FBXW12: variants seen among roughly 807,000 people sequenced by gnomAD.
FBXW12 encodes the protein F-box and WD repeat domain containing 12.
Under a neutral mutation model 55.3 loss-of-function variants are expected in FBXW12, and 43 were observed. That is an observed-to-expected ratio of 0.78 (90% CI 0.61 to 1.00). The LOEUF is 1.00. Ranked by LOEUF, FBXW12 falls within the 50% of genes least tolerant of loss-of-function variation. The pLI is 0.00. For synonymous variants in FBXW12, 184 were observed against 203.8 expected (o/e 0.90, Z 0.83); for missense variants, 524 against 560.5 (o/e 0.93, Z 0.66).
rs752226781 is a variant in FBXW12, at chr3:48,373,316, T to G, written c.99T>G (p.Asn33Lys). 1.4e-5 allele frequency: 23 copies of G among 1,614,066 alleles called. No individual in the cohort carries two copies. Among genetic ancestry groups the G allele is most frequent in the Non-Finnish European group, 1.9e-5 (23 of 1,180,010 alleles). The change falls in exon 3 of 11, where the codon AAT becomes AAG. Residue 33 changes from asparagine to lysine, a missense_variant. By Grantham distance (94) the Asn-to-Lys change is moderately conservative. Coordinates refer to ENST00000296438, the MANE Select transcript of FBXW12 (RefSeq NM_207102.2). ...TCCTTTCTCTCCCATAGCATTGGAATAGGATTGCAGACAGTGATTACCTGT... is the reference window on the plus strand; with the variant it reads ...TCCTTTCTCTCCCATAGCATTGGAAGAGGATTGCAGACAGTGATTACCTGT... ...LQVSQVNKHW[N>K]RIADSDYLWR...
chr3:48,375,427 T>C lies in FBXW12; in HGVS notation c.360T>C (p.Cys120=). ...ATGAACAGGAGAAATCAATCATTTGTAGTGTATCTCCAAAGCAAGAGCTTT... is the reference window on the plus strand; with the variant it reads ...ATGAACAGGAGAAATCAATCATTTGCAGTGTATCTCCAAAGCAAGAGCTTT... The part of the protein sequence containing the change: ...TVDEQEKSII[C]SVSPKQELCA... The change falls in exon 5 of 11, where the codon TGT becomes TGC. Residue 120 remains cysteine (C), a synonymous_variant. Transcript: ENST00000296438. 2 of 1,612,552 alleles carry C rather than the reference T, an allele frequency of 1.2e-6. No homozygotes were observed. The highest frequency in any genetic ancestry group is 1.7e-6 in the Non-Finnish European group (2 of 1,179,518).
chr3:48,390,378 TG>T (rs1308104137), intron 10 of FBXW12, among the ~76,000 whole-genome samples: 1 of 151,856 alleles, frequency 6.6e-6, no homozygotes, highest in Non-Finnish European at 1.5e-5. Flanking sequence ...TTTTTGCATT[TG>T]TTTTTTAATG....
At chr3:48,374,636 T>A (rs1015545936) in intron 4 of FBXW12, among the ~76,000 whole-genome samples, 17 of 152,138 alleles carry the variant, frequency 1.1e-4, no homozygotes, top group South Asian at 8.3e-4. Context: ...CCATATTTTT[T>A]AAATTTTTTT....
intron 5 of FBXW12, among the ~76,000 whole-genome samples, chr3:48,375,705 C>CA (rs1247204748): frequency 6.6e-6 from 1 of 152,178 alleles, no homozygotes; most frequent in Non-Finnish European, 1.5e-5. Context: ...GACTGAGTCT[C>CA]GCTCTGTTCC....
intron 10 of FBXW12, among the ~76,000 whole-genome samples, chr3:48,388,749 G>T (rs6793732): frequency 0.02 from 3,033 of 152,242 alleles, 119 homozygotes; most frequent in African/African-American, 0.07. Flanking sequence ...AATGGACAAA[G>T]AATATTTGTA....
intron 2 of FBXW12, 123 bp from the exon 3 acceptor site, chr3:48,373,185 G>A (rs1437812416): frequency 6.9e-7 from 1 of 1,441,648 alleles, no homozygotes; most frequent in Admixed American, 1.7e-5. Flanking sequence ...AGTGCTTTGA[G>A]AGCTGGAATC....
In FBXW12 at chr3:48,375,349, T is replaced by G. The variant is rs772896822; in HGVS notation, c.287-5T>G. On this transcript the variant is annotated splice_region_variant and splice_polypyrimidine_tract_variant and intron_variant, in intron 4 of 10. Coordinates refer to ENST00000296438, the MANE Select transcript of FBXW12 (RefSeq NM_207102.2). ...GGTGGCCAAGTCTTCTATGTTTCCTTCTAGCATTTGAGACGGAGTTGGCTT... is the reference window on the plus strand; with the variant it reads ...GGTGGCCAAGTCTTCTATGTTTCCTGCTAGCATTTGAGACGGAGTTGGCTT... 6.4e-7 allele frequency: 1 copy of G among 1,558,874 alleles called. No homozygotes were observed. Among genetic ancestry groups the G allele is most frequent in the Non-Finnish European group, 8.8e-7 (1 of 1,131,296 alleles).
In FBXW12 at chr3:48,373,580, A is replaced by G. The variant is rs1282329084; in HGVS notation, c.161A>G (p.Asn54Ser). 1 of 1,614,148 alleles carries G rather than the reference A, an allele frequency of 6.2e-7. No homozygotes were observed. Residue 54 changes from asparagine to serine, a missense_variant, in exon 4 of 11, where the codon AAC becomes AGC. Physicochemically the swap from Asn to Ser is conservative, Grantham distance 46. Transcript: ENST00000296438. ...SLSLQRWDCS[N>S]FTNQHLGTHT... The stretch of plus-strand genomic sequence containing the variant: ...TCTCTGCAGAGATGGGACTGCAGCA[A>G]CTTCACCAATCAACACCTGGGCACA...
Position 48,393,328 on chromosome 3 carries a change from G to A in FBXW12, c.1296-1232G>A, listed in dbSNP as rs545212269. Among the ~76,000 whole-genome samples the A allele has an allele frequency of 1.1e-4, 17 of 152,200 alleles. No homozygotes were observed. The South Asian group carries it at 3.1e-3, about 28-fold the overall frequency. ...CCATTTCTACTCACGTCAGTGCACCGGGGGAGATAGTCGACAGGACTCCAT... is the reference window on the plus strand; with the variant it reads ...CCATTTCTACTCACGTCAGTGCACCAGGGGAGATAGTCGACAGGACTCCAT... On this transcript the variant is annotated intron_variant, in intron 10 of 10. Transcript: ENST00000296438.
chr3:48,381,023 T>A (rs1363268344), intron 8 of FBXW12, 111 bp downstream of exon 8: 7 of 95,180 alleles, frequency 7.4e-5, no homozygotes, highest in Non-Finnish European at 1.2e-4. Context: ...GGATTTCTAG[T>A]TTTTTTTTTT....
intron 10 of FBXW12, among the ~76,000 whole-genome samples, chr3:48,384,915 T>C (rs1283053268): frequency 1.3e-5 from 2 of 152,228 alleles, no homozygotes; most frequent in Non-Finnish European, 2.9e-5. Flanking sequence ...GATGTATATA[T>C]TGTAGAATGA....
chr3:48,381,844 A>T lies in FBXW12; in HGVS notation c.1130A>T (p.Glu377Val). 1.9e-6 allele frequency: 3 copies of T among 1,608,110 alleles called. No individual in the cohort carries two copies. The highest frequency in any genetic ancestry group is 2.6e-6 in the Non-Finnish European group (3 of 1,175,880). Residue 377 changes from glutamate (E) to valine (V), a missense_variant, in exon 9 of 11, where the codon GAG becomes GTG. Glu to Val is a moderately radical substitution (Grantham distance 121). Transcript: ENST00000296438. ...ACTGGCTTCCTGCTGCAACGATTTG[A>T]GGACCATCAGGCAGCCATCAACAAC... is the stretch of plus-strand genomic sequence containing the variant. Reference protein sequence around the residue: ...SITGFLLQRFEDHQAAINNFW... With the variant: ...SITGFLLQRFVDHQAAINNFW...
At chr3:48,378,293 G>T in intron 5 of FBXW12, 24 bp from the exon 6 acceptor site, 1 of 1,581,590 alleles carries the variant, frequency 6.3e-7, no homozygotes, top group South Asian at 1.1e-5. Context: ...CTTGAACACA[G>T]GTCGTGTTAC....
chr3:48,372,268 G>A lies in FBXW12; in HGVS notation c.-137G>A, dbSNP rs1347059210. On this transcript the variant is annotated 5_prime_UTR_variant, in exon 1 of 11. Transcript: ENST00000296438. ...AAATGCGAGAAGGTAGAAACCCAGAGGCCATGCTGGCGCTGAGAGATGAGC... is the reference window on the plus strand; with the variant it reads ...AAATGCGAGAAGGTAGAAACCCAGAAGCCATGCTGGCGCTGAGAGATGAGC... The A allele has an allele frequency of 3.9e-6, 6 of 1,551,972 alleles. No homozygotes were observed. Among genetic ancestry groups the A allele is most frequent in the Non-Finnish European group, 5.2e-6 (6 of 1,147,060 alleles).
intron 10 of FBXW12, among the ~76,000 whole-genome samples, chr3:48,393,707 T>A (rs2036963254): frequency 6.6e-6 from 1 of 152,122 alleles, no homozygotes; most frequent in South Asian, 2.1e-4. Flanking sequence ...GCAGATCGCT[T>A]GAGTGCAGGA....
intron 10 of FBXW12, among the ~76,000 whole-genome samples, chr3:48,388,208 G>A (rs1387024478): frequency 6.6e-6 from 1 of 152,064 alleles, no homozygotes. Flanking sequence ...GCTCTATCTT[G>A]GTGAATGTTC....
At chr3:48,394,528 G>A (rs748501639) in intron 10 of FBXW12, 32 bp from the exon 11 acceptor site, 19 of 1,268,148 alleles carry the variant, frequency 1.5e-5, no homozygotes, top group Non-Finnish European at 2.1e-5. Context: ...TTTCTCTTTT[G>A]TTCACTGATG....
At chr3:48,378,172 T>C in intron 5 of FBXW12, 145 bp from the exon 6 acceptor site, 1 of 642,774 alleles carries the variant, frequency 1.6e-6, no homozygotes, top group Non-Finnish European at 2.7e-6. Context: ...CTCCAAAATA[T>C]TGAGATGTGG....
At position 48,373,317 on chromosome 3, in the gene FBXW12, A is replaced by C; in HGVS notation, c.100A>C (p.Arg34=). ...QVSQVNKHWN[R]IADSDYLWRS... Reference sequence around the variant, plus strand: ...CCTTTCTCTCCCATAGCATTGGAATAGGATTGCAGACAGTGATTACCTGTG... The same window carrying C: ...CCTTTCTCTCCCATAGCATTGGAATCGGATTGCAGACAGTGATTACCTGTG... The change falls in exon 3 of 11, where the codon AGG becomes CGG. Residue 34 remains arginine (R), a synonymous_variant. Transcript: ENST00000296438. 2 of 1,614,204 alleles carry C rather than the reference A, an allele frequency of 1.2e-6. No individual in the cohort carries two copies. Among genetic ancestry groups the C allele is most frequent in the Non-Finnish European group, 1.7e-6 (2 of 1,180,026 alleles).
Sources: gnomAD v4.1 joint callset for allele counts (sites outside exome capture counted in the v4.1 genomes callset) on GRCh38, gnomAD v4.1.1 for gene constraint, MANE v1.5 for transcripts, NCBI Gene and HGNC (gene_info 2026-07-23, HGNC 2026-07-21) for gene names.